GNAI2: variants seen among roughly 807,000 people sequenced by gnomAD.
GNAI2 encodes the protein guanine nucleotide-binding protein G(i) subunit alpha-2.
In GNAI2, 4 loss-of-function variants were observed where a neutral mutation model predicts 36.8. That is an observed-to-expected ratio of 0.11 (90% CI 0.05 to 0.25). GNAI2 has a LOEUF of 0.25. Ranked by LOEUF, GNAI2 falls within the 10% of genes least tolerant of loss-of-function variation. The pLI, the probability that GNAI2 is intolerant of heterozygous loss-of-function variation, is 1.00. For missense variants in GNAI2, 230 were observed against 481.3 expected, an observed-to-expected ratio of 0.48 and a Z score of 4.89; for synonymous variants, 194 against 194.1, an observed-to-expected ratio of 1.00 and a Z score of 0.01.
chr3:50,259,216 G>A lies in GNAI2; in HGVS notation c.*873G>A. 9.3e-6 allele frequency: 2 copies of A among 214,858 alleles called. No individual in the cohort carries two copies. Among genetic ancestry groups the A allele is most frequent in the Non-Finnish European group, 1.9e-5 (2 of 103,934 alleles). The allele number at this position is 214,858 out of a possible 1,614,324, so 13.3% of individuals were successfully genotyped here. A position where few individuals can be genotyped will look rare whatever the true frequency, so the allele number is the denominator to read the frequency against. ...TAGCGCTAACCTAGGAACCGCCGCT[G>A]CCTGCTGGGGGGCCACGCCCCTCAT... On this transcript the variant is annotated 3_prime_UTR_variant, in exon 9 of 9. Transcript: ENST00000313601.
At chr3:50,232,159 A>G (rs1553699843), upstream of GNAI2, among the ~76,000 whole-genome samples, 1 of 152,008 alleles carries the variant, frequency 6.6e-6, no homozygotes, top group African/African-American at 2.4e-5. Flanking sequence ...GCAAAACCCC[A>G]TCTCTACTAA....
Position 50,253,651 on chromosome 3 carries a change from G to A in GNAI2, c.464+467G>A, listed in dbSNP as rs1477703900. ...CCCAGCTACTCAGGAGGCTGAGGCAGGAGAATGGCGTGAACCTGGGAGGTG... is the reference window on the plus strand; with the variant it reads ...CCCAGCTACTCAGGAGGCTGAGGCAAGAGAATGGCGTGAACCTGGGAGGTG... On this transcript the variant is annotated intron_variant, in intron 4 of 8. Transcript: ENST00000313601. The surrounding 1 kb of genome is among the most constrained non-coding windows in gnomAD (Gnocchi z 4.2). 2.6e-5 allele frequency among the ~76,000 whole-genome samples: 4 copies of A among 152,230 alleles called. No homozygotes were observed. Among genetic ancestry groups the A allele is most frequent in the East Asian group, 1.9e-4 (1 of 5,196 alleles).
upstream of GNAI2, among the ~76,000 whole-genome samples, chr3:50,231,556 C>T (rs587693045): frequency 1.2e-4 from 18 of 152,248 alleles, no homozygotes; most frequent in Admixed American, 9.2e-4. Flanking sequence ...ATTACAGGCT[C>T]GAGCCACCGC....
rs1575459701 is a variant in GNAI2 at position 50,258,945 on chromosome 3, T to C, written c.*602T>C. 2.2e-6 allele frequency: 1 copy of C among 448,120 alleles called. No individual in the cohort carries two copies. Among genetic ancestry groups the C allele is most frequent in the Non-Finnish European group, 4.4e-6 (1 of 224,834 alleles). The allele number at this position is 448,120 out of a possible 1,614,324, so 27.8% of individuals were successfully genotyped here. ...TAGAAAACTTTTTAGAGAAAAACTA[T>C]TTAAAACTGTCAGATCCTGACCAGC... On this transcript the variant is annotated 3_prime_UTR_variant, in exon 9 of 9. Transcript: ENST00000313601.
rs781807470 is a variant in GNAI2, at chr3:50,256,202, G to A, written c.475G>A (p.Asp159Asn). Residue 159 changes from aspartate (D) to asparagine (N), a missense_variant, in exon 5 of 9, where the codon GAC becomes AAC. Physicochemically the swap from Asp to Asn is conservative, Grantham distance 23 (BLOSUM62 1). Around this residue, in one of 4 missense-constraint regions of GNAI2, gnomAD observed 132 missense variants for 247.4 expected, o/e 0.53. Coordinates refer to ENST00000313601, the MANE Select transcript of GNAI2 (RefSeq NM_002070.4). ...ACCCCCCATCCCCAGCTACCTGAAC[G>A]ACCTGGAGCGTATTGCACAGAGTGA... ...LNDSAAYYLN[D>N]LERIAQSDYI... is the part of the protein sequence containing the mutation. 5 of 793,978 alleles carry A rather than the reference G, an allele frequency of 6.3e-6. No homozygotes were observed. The highest frequency in any genetic ancestry group is 5.6e-5 in the East Asian group (1 of 17,992). The allele number at this position is 793,978 out of a possible 1,614,324, so 49.2% of individuals were successfully genotyped here. A position where few individuals can be genotyped will look rare whatever the true frequency, so the allele number is the denominator to read the frequency against.
chr3:50,256,597 G>A, intron 5 of GNAI2, 126 bp from the exon 6 acceptor site: 2 of 1,049,772 alleles, frequency 1.9e-6, no homozygotes, highest in Non-Finnish European at 2.9e-6. Flanking sequence ...GGCAAGTGTG[G>A]ATGATTCCAG....
At chr3:50,234,544 G>T (rs1553700113), upstream of GNAI2, among the ~76,000 whole-genome samples, 1 of 152,070 alleles carries the variant, frequency 6.6e-6, no homozygotes, top group South Asian at 2.1e-4. Flanking sequence ...TAGAGACAGG[G>T]TTTCTCCATG....
In GNAI2 at chr3:50,258,583, C is replaced by T. The variant is rs967075855; in HGVS notation, c.*240C>T. ...GATGCTGGTAATGGCCATGGTACCC[C>T]CTTCTGGGCATCTGTTCTGGTTTTT... On this transcript the variant is annotated 3_prime_UTR_variant, in exon 9 of 9. Transcript: ENST00000313601. The T allele has an allele frequency of 5.1e-6, 1 of 194,398 alleles. No homozygotes were observed. Among genetic ancestry groups the T allele is most frequent in the Non-Finnish European group, 1.1e-5 (1 of 92,114 alleles). 12.0% of individuals were successfully genotyped at this position (194,398 alleles called of 1,614,324 possible). A position where few individuals can be genotyped will look rare whatever the true frequency, so the allele number is the denominator to read the frequency against.
upstream of GNAI2, among the ~76,000 whole-genome samples, chr3:50,234,670 T>A (rs1245175779): frequency 6.6e-5 from 10 of 152,102 alleles, no homozygotes; most frequent in African/African-American, 2.4e-4. Context: ...GTACCAAGGT[T>A]CTAAGGAAGG....
chr3:50,236,212 G>A lies in GNAI2; in HGVS notation c.-124G>A. 8.5e-7 allele frequency: 1 copy of A among 1,182,996 alleles called. No homozygotes were observed. The allele number at this position is 1,182,996 out of a possible 1,614,324, so 73.3% of individuals were successfully genotyped here. A position where few individuals can be genotyped will look rare whatever the true frequency, so the allele number is the denominator to read the frequency against. ...GGGAAGGCGCCTCCCGCAGTCGCTCGGAACTGCCGACCCGAGTGCTTCCCG... is the reference window on the plus strand; with the variant it reads ...GGGAAGGCGCCTCCCGCAGTCGCTCAGAACTGCCGACCCGAGTGCTTCCCG... On this transcript the variant is annotated 5_prime_UTR_variant, in exon 1 of 9. Transcript: ENST00000313601. This position sits in a 1 kb window ranked among gnomAD's most constrained non-coding sequence, Gnocchi z 4.0.
intron 1 of GNAI2, 185 bp from the exon 2 acceptor site, chr3:50,251,915 C>A: frequency 2.2e-6 from 2 of 909,026 alleles, no homozygotes; most frequent in Non-Finnish European, 3.2e-6. Flanking sequence ...ACCTTGACCA[C>A]TGTGGCCCTG....
chr3:50,254,050 A>T (rs1553702878), intron 4 of GNAI2, among the ~76,000 whole-genome samples: 2 of 151,986 alleles, frequency 1.3e-5, no homozygotes. Context: ...GTGTGTGTGT[A>T]GGTCAGAGCC....
At chr3:50,247,103 G>A (rs998912015) in intron 1 of GNAI2, 1 of 718,700 alleles carries the variant, frequency 1.4e-6, no homozygotes, top group South Asian at 1.5e-5. Flanking sequence ...CTCTTTCAAA[G>A]GGTAGATAAA....
intron 1 of GNAI2, among the ~76,000 whole-genome samples, chr3:50,251,026 G>A (rs1292978135): frequency 6.6e-6 from 1 of 152,032 alleles, no homozygotes; most frequent in Non-Finnish European, 1.5e-5. Flanking sequence ...GGCCAGGCTG[G>A]TCTCGAACTC....
intron 5 of GNAI2, 36 bp from the exon 6 acceptor site, chr3:50,256,687 C>A: frequency 6.2e-7 from 1 of 1,607,504 alleles, no homozygotes; most frequent in Admixed American, 1.7e-5. Flanking sequence ...CTCCCCCAGG[C>A]TCCCTTCCTG....
chr3:50,253,699 G>A lies in GNAI2; in HGVS notation c.464+515G>A, dbSNP rs979204905. 6.6e-6 allele frequency among the ~76,000 whole-genome samples: 1 copy of A among 152,182 alleles called. No individual in the cohort carries two copies. Among genetic ancestry groups the A allele is most frequent in the African/African-American group, 2.4e-5 (1 of 41,444 alleles). The stretch of plus-strand genomic sequence containing the variant: ...GTGGAGCTTGCAGTGAGCGGAGATT[G>A]CGCCACTGCACTCTAGCTTGGGTGA... On this transcript the variant is annotated intron_variant, in intron 4 of 8. Coordinates refer to ENST00000313601, the MANE Select transcript of GNAI2 (RefSeq NM_002070.4). The surrounding 1 kb of genome is among the most constrained non-coding windows in gnomAD (Gnocchi z 4.2).
At chr3:50,243,210 G>A (rs1700335225) in intron 1 of GNAI2, among the ~76,000 whole-genome samples, 1 of 152,246 alleles carries the variant, frequency 6.6e-6, no homozygotes, top group South Asian at 2.1e-4. Context: ...AGGTAGCTCT[G>A]TACCTTGTCC....
At chr3:50,244,006 T>TG (rs1487806744) in intron 1 of GNAI2, among the ~76,000 whole-genome samples, 46 of 147,904 alleles carry the variant, frequency 3.1e-4, no homozygotes, top group African/African-American at 1.0e-3. Context: ...CATGTGGTCA[T>TG]GGGGGACCCC....
chr3:50,256,184 A>G lies in GNAI2; in HGVS notation c.465-8A>G. 5 of 345,162 alleles carry G rather than the reference A, an allele frequency of 1.4e-5. No individual in the cohort carries two copies. The highest frequency in any genetic ancestry group is 2.5e-5 in the Non-Finnish European group (5 of 199,494). 21.4% of individuals were successfully genotyped at this position (345,162 alleles called of 1,614,324 possible). ...GCCCCCACTGACCCTCCCACCCCCC[A>G]TCCCCAGCTACCTGAACGACCTGGA... On this transcript the variant is annotated splice_region_variant and splice_polypyrimidine_tract_variant and intron_variant, in intron 4 of 8. Transcript: ENST00000313601.
Sources: gnomAD v4.1 joint callset for allele counts (sites outside exome capture counted in the v4.1 genomes callset) on GRCh38, gnomAD v4.1.1 for gene constraint, gnomAD v4.1.1 regional missense constraint, Gnocchi (gnomAD v3.1) non-coding constraint, MANE v1.5 for transcripts, NCBI Gene and HGNC (gene_info 2026-07-23, HGNC 2026-07-21) for gene names.